Variants in ATP2B1 observed in about 807,000 individuals in gnomAD.
ATP2B1 encodes the protein plasma membrane calcium-transporting ATPase 1.
A neutral mutation model predicts 124.2 loss-of-function variants in ATP2B1; 14 were observed. The observed-to-expected ratio is 0.11, with a 90% CI of 0.07 to 0.18. The LOEUF (loss-of-function observed/expected upper bound fraction) is 0.18. Ranked by LOEUF, ATP2B1 falls within the 10% of genes least tolerant of loss-of-function variation. ATP2B1 has a pLI of 1.00. For missense variants in ATP2B1, 763 were observed against 1,466.1 expected, an observed-to-expected ratio of 0.52 and a Z score of 7.83; for synonymous variants, 449 against 492.4, an observed-to-expected ratio of 0.91 and a Z score of 1.17.
intron 14 of ATP2B1, 67 bp from the exon 15 acceptor site, chr12:89,610,110 T>A (rs966193809): frequency 1.5e-5 from 21 of 1,399,864 alleles, no homozygotes; most frequent in Non-Finnish European, 2.0e-5. Flanking sequence ...CTGAAGAATA[T>A]CCTGACGTCG....
intron 8 of ATP2B1, among the ~76,000 whole-genome samples, chr12:89,626,000 G>A (rs1344483082): frequency 6.6e-6 from 1 of 152,116 alleles, no homozygotes; most frequent in Non-Finnish European, 1.5e-5. Flanking sequence ...GTATTTTCTA[G>A]TGATGGCAGT....
chr12:89,645,249 A>G (rs1301363258), intron 2 of ATP2B1, among the ~76,000 whole-genome samples: 1 of 152,256 alleles, frequency 6.6e-6, no homozygotes, highest in Non-Finnish European at 1.5e-5. Context: ...CTGACTGAAC[A>G]CTATAGTTAT....
At chr12:89,692,901 C>A (rs1279055548) in intron 1 of ATP2B1, among the ~76,000 whole-genome samples, 3 of 152,080 alleles carry the variant, frequency 2.0e-5, no homozygotes, top group Non-Finnish European at 4.4e-5. Context: ...TTGTTTATAT[C>A]GACTAGTCTA....
chr12:89,605,126 T>C (rs550399333), intron 15 of ATP2B1, among the ~76,000 whole-genome samples: 18 of 152,320 alleles, frequency 1.2e-4, no homozygotes, highest in Middle Eastern at 3.4e-3. Context: ...ATGACTCTTC[T>C]GTACAAAGTT....
intron 15 of ATP2B1, among the ~76,000 whole-genome samples, chr12:89,604,970 T>G (rs1876556519): frequency 6.6e-6 from 1 of 152,108 alleles, no homozygotes; most frequent in East Asian, 1.9e-4. Flanking sequence ...ATTTAGAAGC[T>G]TCAAACTAAT....
At chr12:89,642,811 G>A (rs1242730238) in intron 2 of ATP2B1, among the ~76,000 whole-genome samples, 1 of 149,982 alleles carries the variant, frequency 6.7e-6, no homozygotes, top group East Asian at 1.9e-4. Context: ...CACCATGTTG[G>A]TCAGGCTGGT....
chr12:89,632,561 A>C (rs1882036327), intron 5 of ATP2B1, among the ~76,000 whole-genome samples: 1 of 152,210 alleles, frequency 6.6e-6, no homozygotes, highest in African/African-American at 2.4e-5. Flanking sequence ...AGGTAATCAG[A>C]TGTTGGCAGT....
intron 19 of ATP2B1, among the ~76,000 whole-genome samples, chr12:89,600,969 T>C (rs1186574359): frequency 3.9e-5 from 6 of 152,164 alleles, no homozygotes; most frequent in Non-Finnish European, 8.8e-5. Flanking sequence ...TACATTGTTG[T>C]AAAAAATTTT....
chr12:89,705,926 T>C (rs1387513790), intron 1 of ATP2B1, among the ~76,000 whole-genome samples: 1 of 152,190 alleles, frequency 6.6e-6, no homozygotes, highest in Non-Finnish European at 1.5e-5. Flanking sequence ...AGGGCAGTAA[T>C]ATTTTGCGGT....
At chr12:89,645,498 G>A (rs1026321800) in intron 2 of ATP2B1, among the ~76,000 whole-genome samples, 1 of 151,964 alleles carries the variant, frequency 6.6e-6, no homozygotes, top group African/African-American at 2.4e-5. Context: ...GTACAATGAA[G>A]ACAATAAAAA....
rs1728715926 is a variant in ATP2B1, at chr12:89,656,056, T to C, written c.-170A>G. On this transcript the variant is annotated 5_prime_UTR_variant, in exon 2 of 21. Coordinates refer to ENST00000428670, the MANE Select transcript of ATP2B1 (RefSeq NM_001366521.1). ...AGCAACATTTCCCAGAGAAGTATCT[T>C]GACCTTTGGCCCATGACTAGTTTCT... The C allele has an allele frequency of 1.5e-6, 1 of 646,826 alleles. No homozygotes were observed. The highest frequency in any genetic ancestry group is 3.3e-5 in the Admixed American group (1 of 30,750). 40.1% of individuals were successfully genotyped at this position (646,826 alleles called of 1,614,324 possible). A position where few individuals can be genotyped will look rare whatever the true frequency, so the allele number is the denominator to read the frequency against.
chr12:89,651,735 A>T (rs1351532197), intron 2 of ATP2B1, among the ~76,000 whole-genome samples: 1 of 152,172 alleles, frequency 6.6e-6, no homozygotes, highest in African/African-American at 2.4e-5. Flanking sequence ...AGCTATGTGA[A>T]CTGAACTTTT....
At chr12:89,602,754 G>A (rs921837376) in intron 18 of ATP2B1, among the ~76,000 whole-genome samples, 1 of 152,030 alleles carries the variant, frequency 6.6e-6, no homozygotes, top group African/African-American at 2.4e-5. Context: ...AAAATGCTGG[G>A]AAACAATTAA....
chr12:89,708,967 A>G (rs1444976177), upstream of ATP2B1: 5 of 151,260 alleles, frequency 3.3e-5, no homozygotes, highest in East Asian at 5.9e-4. Context: ...AGAGCGGCAC[A>G]CAGGGCGCGC....
At chr12:89,621,873 T>C in intron 9 of ATP2B1, 82 bp from the exon 10 acceptor site, 2 of 1,309,110 alleles carry the variant, frequency 1.5e-6, no homozygotes, top group Middle Eastern at 2.5e-4. Context: ...TATAAATTGT[T>C]TTAAAATTAG....
Position 89,603,434 on chromosome 12 carries a change from C to G in ATP2B1, c.2849-180G>C, listed in dbSNP as rs1192889078. 9.2e-6 allele frequency: 6 copies of G among 651,060 alleles called. No individual in the cohort carries two copies. The highest frequency in any genetic ancestry group is 1.5e-5 in the Non-Finnish European group (6 of 388,826). The allele number at this position is 651,060 out of a possible 1,614,324, so 40.3% of individuals were successfully genotyped here. A position where few individuals can be genotyped will look rare whatever the true frequency, so the allele number is the denominator to read the frequency against. On this transcript the variant is annotated intron_variant, in intron 17 of 20. Coordinates refer to ENST00000428670, the MANE Select transcript of ATP2B1 (RefSeq NM_001366521.1). This position sits in a 1 kb window ranked among gnomAD's most constrained non-coding sequence, Gnocchi z 4.3. ...TGTTTTATAGGCAAGGAAACAGAAG[C>G]TCCCAAAACTATGGTGATAATCTCA...
rs768192439 is a variant in ATP2B1, at chr12:89,590,937, A to C, written c.*47T>G. 6.5e-7 allele frequency: 1 copy of C among 1,546,042 alleles called. No individual in the cohort carries two copies. The highest frequency in any genetic ancestry group is 8.8e-7 in the Non-Finnish European group (1 of 1,134,094). On this transcript the variant is annotated 3_prime_UTR_variant, in exon 21 of 21. Coordinates refer to ENST00000428670, the MANE Select transcript of ATP2B1 (RefSeq NM_001366521.1). ...CAATATGTGAAAAGACCCAGTTTCA[A>C]TTTGTTTCTTTACAATGCAGCTAGT...
intron 1 of ATP2B1, among the ~76,000 whole-genome samples, chr12:89,695,681 A>G (rs1022471812): frequency 9.9e-5 from 15 of 152,078 alleles, no homozygotes; most frequent in Admixed American, 2.0e-4. Context: ...ATTAAGCAAC[A>G]TTTTACAAAA....
In ATP2B1 at chr12:89,627,333, G is replaced by A. The variant is rs774115444; in HGVS notation, c.967+345C>T. 3.3e-5 allele frequency among the ~76,000 whole-genome samples: 5 copies of A among 149,808 alleles called. No homozygotes were observed. In the East Asian group the frequency reaches 5.9e-4, roughly 18 times the overall value. The stretch of plus-strand genomic sequence containing the variant: ...ATATGGCAATGTATAAATAAATTTC[G>A]TGTTTGGAGTTGGGTCTCTTCCCCA... On this transcript the variant is annotated intron_variant, in intron 7 of 20. Transcript: ENST00000428670.
Sources: allele counts gnomAD v4.1 joint callset (sites outside exome capture counted in the v4.1 genomes callset), GRCh38; gene constraint gnomAD v4.1.1; non-coding constraint Gnocchi (gnomAD v3.1); transcripts MANE v1.5; gene names NCBI Gene and HGNC (gene_info 2026-07-23, HGNC 2026-07-21).